ANKRD11: variants seen among roughly 807,000 people sequenced by gnomAD.
ANKRD11 encodes ankyrin repeat domain-containing protein 11.
ANKRD11 carries 17 observed loss-of-function variants against 195.7 expected under a neutral mutation model. The observed-to-expected ratio is 0.09, with a 90% CI of 0.06 to 0.13. The LOEUF is 0.13. Among genes scored for constraint, ANKRD11 ranks in the 10% least tolerant of loss-of-function variants. ANKRD11 has a pLI of 1.00. For synonymous variants in ANKRD11, 1,953 were observed against 1,528.1 expected (o/e 1.28, Z -6.49); for missense variants, 3,735 against 3,566.1 (o/e 1.05, Z -1.21).
chr16:89,349,982 G>C (rs764352795), intron 2 of ANKRD11, among the ~76,000 whole-genome samples: 4 of 151,408 alleles, frequency 2.6e-5, no homozygotes, highest in Non-Finnish European at 4.4e-5. Flanking sequence ...AAAATCAGCA[G>C]ACAACCCGAT....
chr16:89,355,693 A>G lies in ANKRD11; in HGVS notation c.-59-38615T>C, dbSNP rs576846479. 4.6e-5 allele frequency among the ~76,000 whole-genome samples: 7 copies of G among 152,370 alleles called. No homozygotes were observed. The East Asian group carries it at 1.3e-3, about 29-fold the overall frequency. On this transcript the variant is annotated intron_variant, in intron 2 of 12. Coordinates refer to ENST00000301030, the MANE Select transcript of ANKRD11 (RefSeq NM_013275.6). ...TAATAAGTAAAACAAGAAAAAACCC[A>G]AAGATGCTCACTTGAACTTCATCTT... is the stretch of plus-strand genomic sequence containing the variant.
At chr16:89,308,571 C>T (rs1567620276) in intron 3 of ANKRD11, among the ~76,000 whole-genome samples, 1 of 152,180 alleles carries the variant, frequency 6.6e-6, no homozygotes, top group Non-Finnish European at 1.5e-5. Context: ...ACCAGCACCC[C>T]CACCAGGACA....
rs1157182423 is a variant in ANKRD11 at position 89,274,801 on chromosome 16, A to G, written c.7713+13T>C. 1 of 1,608,556 alleles carries G rather than the reference A, an allele frequency of 6.2e-7. No homozygotes were observed. Among genetic ancestry groups the G allele is most frequent in the Non-Finnish European group, 8.5e-7 (1 of 1,179,814 alleles). On this transcript the variant is annotated intron_variant, in intron 11 of 12. Coordinates refer to ENST00000301030, the MANE Select transcript of ANKRD11 (RefSeq NM_013275.6). ...ACTTGGACTCATGGGCCTGGCATGC[A>G]GACGGGCCCTACCTGGCTCTCCAGG...
intron 1 of ANKRD11, among the ~76,000 whole-genome samples, chr16:89,427,522 G>A (rs971582103): frequency 6.6e-6 from 1 of 152,158 alleles, no homozygotes; most frequent in African/African-American, 2.4e-5. Flanking sequence ...TAGGGGCCGG[G>A]GTGGTGGCTC....
rs2035014042 is a variant in ANKRD11, at chr16:89,290,835, G to A, written c.398-7C>T. 6.2e-7 allele frequency: 1 copy of A among 1,613,334 alleles called. No homozygotes were observed. The highest frequency in any genetic ancestry group is 8.5e-7 in the Non-Finnish European group (1 of 1,179,988). ...TGCTTTGGTGTTGTGTCCACTGCAG[G>A]CCAAGGAGGGGACAGATGGGCATTA... On this transcript the variant is annotated splice_polypyrimidine_tract_variant and splice_region_variant and intron_variant, in intron 5 of 12. Coordinates refer to ENST00000301030, the MANE Select transcript of ANKRD11 (RefSeq NM_013275.6).
Position 89,283,830 on chromosome 16 carries a change from G to T in ANKRD11, c.2712C>A (p.Phe904Leu). Residue 904 changes from phenylalanine (F) to leucine (L), a missense_variant, in exon 9 of 13, where the codon TTC becomes TTA. Coordinates refer to ENST00000301030, the MANE Select transcript of ANKRD11 (RefSeq NM_013275.6). The surrounding 1 kb of genome is among the most constrained non-coding windows in gnomAD (Gnocchi z 4.3). ...AREKRDYREP[F>L]FRKKDRDYLD... ...AATAGTCCCTGTCCTTCTTTCGGAA[G>T]AAGGGCTCTCTGTAGTCTCGCTTCT... 4 of 1,614,150 alleles carry T rather than the reference G, an allele frequency of 2.5e-6. No homozygotes were observed. The highest frequency in any genetic ancestry group is 3.4e-6 in the Non-Finnish European group (4 of 1,180,026).
At chr16:89,471,602 T>G (rs2057086778) in intron 1 of ANKRD11, among the ~76,000 whole-genome samples, 1 of 151,774 alleles carries the variant, frequency 6.6e-6, no homozygotes, top group African/African-American at 2.4e-5. Flanking sequence ...TTGGCCCACA[T>G]GATGAAACCT....
intron 1 of ANKRD11, among the ~76,000 whole-genome samples, chr16:89,464,607 T>TAAAA (rs377695519): frequency 1.7e-5 from 2 of 116,402 alleles, no homozygotes; most frequent in South Asian, 5.9e-4. Flanking sequence ...GACTCCATCT[T>TAAAA]AAAAAAAAAA....
chr16:89,476,057 A>C (rs374360452), intron 1 of ANKRD11, among the ~76,000 whole-genome samples: 12 of 151,920 alleles, frequency 7.9e-5, no homozygotes, highest in South Asian at 2.1e-4. Flanking sequence ...GTCTCAAAAA[A>C]AAAAAAAAAG....
chr16:89,418,779 T>TC (rs1282968272), intron 1 of ANKRD11, among the ~76,000 whole-genome samples: 1 of 152,040 alleles, frequency 6.6e-6, no homozygotes, highest in African/African-American at 2.4e-5. Flanking sequence ...TTTTTTTTTT[T>TC]TGGAGACAGA....
intron 7 of ANKRD11, 129 bp from the exon 8 acceptor site, chr16:89,286,315 G>A: frequency 1.5e-6 from 2 of 1,366,928 alleles, no homozygotes; most frequent in Admixed American, 3.4e-5. Context: ...ACGGTCTGAG[G>A]GTGTGGGAGC....
At chr16:89,289,543 C>A (rs992245088) in intron 6 of ANKRD11, among the ~76,000 whole-genome samples, 1 of 152,164 alleles carries the variant, frequency 6.6e-6, no homozygotes, top group Non-Finnish European at 1.5e-5. Context: ...TCAGTTCTCT[C>A]CGGGTCCCAG....
intron 3 of ANKRD11, among the ~76,000 whole-genome samples, chr16:89,316,056 C>T (rs940599311): frequency 2.6e-5 from 4 of 152,072 alleles, no homozygotes; most frequent in East Asian, 1.9e-4. Flanking sequence ...AACGGCCTGC[C>T]ACACTGGCCA....
intron 2 of ANKRD11, among the ~76,000 whole-genome samples, chr16:89,375,080 G>C (rs141060789): frequency 6.6e-6 from 1 of 151,974 alleles, no homozygotes; most frequent in Non-Finnish European, 1.5e-5. Context: ...AGAGGGAAAC[G>C]TAAACAAACG....
chr16:89,303,976 C>A (rs2036003356), intron 4 of ANKRD11, among the ~76,000 whole-genome samples: 1 of 152,216 alleles, frequency 6.6e-6, no homozygotes, highest in South Asian at 2.1e-4. Flanking sequence ...CTCAGGAAGC[C>A]AGGGACAGAG....
intron 1 of ANKRD11, among the ~76,000 whole-genome samples, chr16:89,485,808 A>G (rs960627407): frequency 6.6e-6 from 1 of 152,198 alleles, no homozygotes; most frequent in Non-Finnish European, 1.5e-5. Flanking sequence ...TAAAACTTTC[A>G]TATCACTCCA....
chr16:89,343,420 C>G (rs2152003874), intron 2 of ANKRD11, among the ~76,000 whole-genome samples: 1 of 152,330 alleles, frequency 6.6e-6, no homozygotes, highest in East Asian at 1.9e-4. Flanking sequence ...TAAAAATCAG[C>G]TCAGATTTGT....
chr16:89,414,270 C>T (rs1208013566), intron 2 of ANKRD11, among the ~76,000 whole-genome samples: 2 of 152,218 alleles, frequency 1.3e-5, no homozygotes, highest in Non-Finnish European at 2.9e-5. Context: ...TAACAAACCA[C>T]TTTCAAAACC....
Position 89,283,742 on chromosome 16 carries a change from G to T in ANKRD11, c.2800C>A (p.Leu934Ile), listed in dbSNP as rs752116186. The change falls in exon 9 of 13, where the codon CTT (leucine) becomes ATT (isoleucine). Residue 934 changes from leucine to isoleucine, a missense_variant. Transcript: ENST00000301030. The surrounding 1 kb of genome is among the most constrained non-coding windows in gnomAD (Gnocchi z 4.3). ...CTCCTCTTCTTGTCCTTTTCCGAAA[G>T]GTAGCCAGGGACACTTTTATGCTTT... Reference protein sequence around the residue: ...TEKHKSVPGYLSEKDKKRRES... With the variant: ...TEKHKSVPGYISEKDKKRRES... 1 of 1,613,392 alleles carries T rather than the reference G, an allele frequency of 6.2e-7. No homozygotes were observed. The highest frequency in any genetic ancestry group is 8.5e-7 in the Non-Finnish European group (1 of 1,179,742).
Sources: gnomAD v4.1 joint callset for allele counts (sites outside exome capture counted in the v4.1 genomes callset) on GRCh38, gnomAD v4.1.1 for gene constraint, Gnocchi (gnomAD v3.1) non-coding constraint, MANE v1.5 for transcripts, NCBI Gene and HGNC (gene_info 2026-07-23, HGNC 2026-07-21) for gene names.